The following GPATCH2L variants were observed in gnomAD, a reference collection of about 807,000 sequenced individuals.
The protein encoded by GPATCH2L is G patch domain-containing protein 2-like.
GPATCH2L carries 31 observed loss-of-function variants against 57.4 expected under a neutral mutation model. The observed-to-expected ratio is 0.54, with a 90% CI of 0.41 to 0.73. GPATCH2L has a LOEUF of 0.73. GPATCH2L is among the 30% of genes least tolerant of loss of function. The pLI, the probability that GPATCH2L is intolerant of heterozygous loss-of-function variation, is 0.00. For missense variants in GPATCH2L, 481 were observed against 599.9 expected (o/e 0.80, Z 2.07); for synonymous variants, 199 against 210.7 (o/e 0.94, Z 0.48).
intron 1 of GPATCH2L, among the ~76,000 whole-genome samples, chr14:76,228,233 G>A (rs757934511): frequency 6.6e-5 from 10 of 151,838 alleles, no homozygotes; most frequent in African/African-American, 2.4e-4. Context: ...ACCCCAGAAG[G>A]AACAAAAATT....
downstream of GPATCH2L, among the ~76,000 whole-genome samples, chr14:76,218,731 TAAAAC>T (rs1010689923): frequency 9.4e-5 from 14 of 148,726 alleles, no homozygotes; most frequent in African/African-American, 3.2e-4. Flanking sequence ...CTACAGCAAT[TAAAAC>T]AGAGTAGTAA....
At chr14:76,152,287 G>A (rs2038080846) in intron 1 of GPATCH2L, among the ~76,000 whole-genome samples, 1 of 150,656 alleles carries the variant, frequency 6.6e-6, no homozygotes, top group Non-Finnish European at 1.5e-5. Context: ...AGCCCTCAGG[G>A]ACGGGCCGGG....
chr14:76,183,984 C>G (rs1158383550), intron 8 of GPATCH2L, among the ~76,000 whole-genome samples: 1 of 151,270 alleles, frequency 6.6e-6, no homozygotes, highest in Non-Finnish European at 1.5e-5. Flanking sequence ...TTTCAAAGCA[C>G]CTGGGCAGCA....
At chr14:76,231,963 T>TCTCACTGCAGCCTCACTGCAGC in intron 2 of GPATCH2L, among the ~76,000 whole-genome samples, 3,610 of 57,568 alleles carry the variant, frequency 0.063, 825 homozygotes, top group African/African-American at 0.12. Flanking sequence ...GGCAAACACA[T>TCTCACTGCAGCCTCACTGCAGC]CTCACTGCAG....
At chr14:76,172,233 A>G (rs541136685) in intron 4 of GPATCH2L, among the ~76,000 whole-genome samples, 1 of 152,340 alleles carries the variant, frequency 6.6e-6, no homozygotes, top group African/African-American at 2.4e-5. Context: ...CTCCTGGGAC[A>G]TATATATTAT....
At chr14:76,169,441 T>C (rs1254102634) in intron 3 of GPATCH2L, among the ~76,000 whole-genome samples, 1 of 152,228 alleles carries the variant, frequency 6.6e-6, no homozygotes, top group East Asian at 1.9e-4. Context: ...GATTCTCAGA[T>C]TGTAAAACAA....
rs138469723 is a variant in GPATCH2L, at chr14:76,178,039, T to G, written c.1104T>G (p.His368Gln). Reference protein sequence around the residue: ...SDFPHISACAHEFNPLSPLYS... With the variant: ...SDFPHISACAQEFNPLSPLYS... Reference sequence around the variant, plus strand: ...TTCCTCACATTTCTGCTTGTGCACATGAGGTAAGGTTTCCTCTTTCTTGTT... The same window carrying G: ...TTCCTCACATTTCTGCTTGTGCACAGGAGGTAAGGTTTCCTCTTTCTTGTT... The change falls in exon 7 of 10, where the codon CAT becomes CAG. Residue 368 changes from histidine to glutamine, a missense_variant. Physicochemically the swap from His to Gln is conservative, Grantham distance 24. This residue lies in a region of GPATCH2L where 248 missense variants were observed against 270.5 expected (regional missense o/e 0.92). Coordinates refer to ENST00000261530, the MANE Select transcript of GPATCH2L (RefSeq NM_017926.4). 1.3e-6 allele frequency: 2 copies of G among 1,599,690 alleles called. No homozygotes were observed. The highest frequency in any genetic ancestry group is 3.3e-5 in the Admixed American group (2 of 60,004).
chr14:76,178,130 A>C, intron 7 of GPATCH2L, 88 bp downstream of exon 7: 2 of 1,272,800 alleles, frequency 1.6e-6, no homozygotes, highest in Admixed American at 3.6e-5. Flanking sequence ...AACTGCAGCT[A>C]ATTCCTCTTT....
chr14:76,223,179 A>G (rs2040523038), intron 1 of GPATCH2L, among the ~76,000 whole-genome samples: 1 of 152,210 alleles, frequency 6.6e-6, no homozygotes, highest in Admixed American at 6.5e-5. Context: ...TGGCAGGTTC[A>G]TTACAAGAAA....
rs927056957 is a variant in GPATCH2L, at chr14:76,232,998, A to C, written c.*117+3045A>C. 3.9e-5 allele frequency among the ~76,000 whole-genome samples: 6 copies of C among 152,032 alleles called. No homozygotes were observed. The East Asian group carries it at 1.2e-3, about 29-fold the overall frequency. The stretch of plus-strand genomic sequence containing the variant: ...GCCAAGGCCCCAGGCAAACAAAGGC[A>C]CTCTTACCAGGCAGGACATCCCAAG... On this transcript the variant is annotated intron_variant and NMD_transcript_variant, in intron 2 of 3. Coordinates refer to the GPATCH2L transcript ENST00000556372.
intron 4 of GPATCH2L, 30 bp from the exon 5 acceptor site, chr14:76,173,516 C>G (rs955109085): frequency 1.4e-6 from 2 of 1,456,988 alleles, no homozygotes; most frequent in Non-Finnish European, 1.9e-6. Context: ...TTTCTGCATT[C>G]GGTATCTGAG....
intron 2 of GPATCH2L, among the ~76,000 whole-genome samples, chr14:76,233,906 C>T (rs1020444611): frequency 6.6e-6 from 1 of 152,070 alleles, no homozygotes; most frequent in Non-Finnish European, 1.5e-5. Context: ...GAGTTTGGGA[C>T]TAGTCTAGGC....
At chr14:76,231,974 C>CTCACTGCAGG (rs2040567291) in intron 2 of GPATCH2L, among the ~76,000 whole-genome samples, 2 of 99,932 alleles carry the variant, frequency 2.0e-5, no homozygotes, top group African/African-American at 6.8e-5. Flanking sequence ...CTCACTGCAG[C>CTCACTGCAGG]CTCACTGCAG....
rs971692017 is a variant in GPATCH2L, at chr14:76,204,051, ATC to A, written c.*2204_*2205del. ...ATACAACATTATTTACATTTCAAAC[ATC>A]TCTACGAAGTCATGCCATTTTAAGG... On this transcript the variant is annotated 3_prime_UTR_variant, in exon 10 of 10. Coordinates refer to ENST00000261530, the MANE Select transcript of GPATCH2L (RefSeq NM_017926.4). 6.6e-6 allele frequency: 1 copy of A among 152,200 alleles called. No homozygotes were observed. The highest frequency in any genetic ancestry group is 1.5e-5 in the Non-Finnish European group (1 of 68,042). The allele number at this position is 152,200 out of a possible 1,614,324, so 9.4% of individuals were successfully genotyped here.
Position 76,208,586 on chromosome 14 carries a change from C to G in GPATCH2L, c.*6735C>G, listed in dbSNP as rs541407446. The G allele has an allele frequency of 6.5e-6, 1 of 153,028 alleles. No homozygotes were observed. The highest frequency in any genetic ancestry group is 2.4e-5 in the African/African-American group (1 of 41,556). The allele number at this position is 153,028 out of a possible 1,614,324, so 9.5% of individuals were successfully genotyped here. A position where few individuals can be genotyped will look rare whatever the true frequency, so the allele number is the denominator to read the frequency against. ...AGACACCCACACACACACACGCTTC[C>G]TTACCTTCTTGCCAGTGCCTGTCCT... On this transcript the variant is annotated 3_prime_UTR_variant, in exon 10 of 10. Transcript: ENST00000261530.
intron 1 of GPATCH2L, among the ~76,000 whole-genome samples, chr14:76,221,664 A>G (rs988388950): frequency 2.0e-5 from 3 of 152,234 alleles, no homozygotes; most frequent in Admixed American, 2.0e-4. Flanking sequence ...GAAATGATCT[A>G]TCCAGCCATG....
At position 76,208,049 on chromosome 14, in the gene GPATCH2L, ACTT is replaced by A. The variant is rs1467328470; in HGVS notation, c.*6202_*6204del. On this transcript the variant is annotated 3_prime_UTR_variant, in exon 10 of 10. Coordinates refer to ENST00000261530, the MANE Select transcript of GPATCH2L (RefSeq NM_017926.4). ...TTTTTGCAGTCTTTTAAAACACCACACTTCTTTTCCATCTTGAAGACCAGTTAA... is the reference window on the plus strand; with the variant it reads ...TTTTTGCAGTCTTTTAAAACACCACACTTTTCCATCTTGAAGACCAGTTAA... The A allele has an allele frequency of 4.6e-5, 7 of 152,084 alleles. No homozygotes were observed. The highest frequency in any genetic ancestry group is 1.7e-4 in the African/African-American group (7 of 41,396). The allele number at this position is 152,084 out of a possible 1,614,324, so 9.4% of individuals were successfully genotyped here.
chr14:76,156,104 G>C (rs1418414525), intron 2 of GPATCH2L, among the ~76,000 whole-genome samples: 1 of 152,168 alleles, frequency 6.6e-6, no homozygotes, highest in Admixed American at 6.5e-5. Flanking sequence ...GGGAAGTTGA[G>C]GTTATAAGAG....
chr14:76,178,365 G>A (rs1295303332), intron 7 of GPATCH2L: 3 of 741,490 alleles, frequency 4.0e-6, no homozygotes, highest in African/African-American at 3.6e-5. Flanking sequence ...CCTTAGAGCA[G>A]TGGTCCCCAA....
Sources: allele counts gnomAD v4.1 joint callset (sites outside exome capture counted in the v4.1 genomes callset), GRCh38; gene constraint gnomAD v4.1.1; regional missense constraint gnomAD v4.1.1; transcripts MANE v1.5; gene names NCBI Gene and HGNC (gene_info 2026-07-23, HGNC 2026-07-21).